PRICKLE2: variants seen among roughly 807,000 people sequenced by gnomAD.
The protein encoded by PRICKLE2 is prickle-like protein 2.
In PRICKLE2, 21 loss-of-function variants were observed where a neutral mutation model predicts 81.4. The ratio of observed to expected loss-of-function variants is 0.26; its 90% CI spans 0.18 to 0.37. PRICKLE2 has a LOEUF of 0.37. Ranked by LOEUF, PRICKLE2 falls within the 10% of genes least tolerant of loss-of-function variation. The pLI is 1.00. For missense variants in PRICKLE2, 940 were observed against 1,109.0 expected (o/e 0.85, Z 2.16); for synonymous variants, 456 against 421.5 (o/e 1.08, Z -1.00).
intron 7 of PRICKLE2, among the ~76,000 whole-genome samples, chr3:64,112,592 G>C (rs1419648016): frequency 2.0e-5 from 3 of 152,180 alleles, no homozygotes; most frequent in Non-Finnish European, 4.4e-5. Context: ...TCAATGAATG[G>C]GTGCAAATGT....
intron 2 of PRICKLE2, among the ~76,000 whole-genome samples, chr3:64,181,416 T>C (rs1014711190): frequency 6.6e-6 from 1 of 152,140 alleles, no homozygotes; most frequent in Admixed American, 6.5e-5. Context: ...ACAGTCTTCA[T>C]CCAAAACTGG....
At chr3:64,113,835 A>T (rs2106956558) in intron 7 of PRICKLE2, among the ~76,000 whole-genome samples, 1 of 152,146 alleles carries the variant, frequency 6.6e-6, no homozygotes, top group Middle Eastern at 3.4e-3. Flanking sequence ...CCCAGCCAGC[A>T]CCCTGCCCCA....
At chr3:64,202,777 T>C (rs577753714) in intron 1 of PRICKLE2, among the ~76,000 whole-genome samples, 53 of 152,222 alleles carry the variant, frequency 3.5e-4, no homozygotes, top group Non-Finnish European at 5.0e-4. Context: ...CATATCTTAT[T>C]GCCCTGGTTA....
At chr3:64,222,023 A>C (rs377509088) in intron 1 of PRICKLE2, among the ~76,000 whole-genome samples, 1 of 152,204 alleles carries the variant, frequency 6.6e-6, no homozygotes, top group East Asian at 1.9e-4. Flanking sequence ...TTCTCCGTTA[A>C]ATAAATATTA....
At chr3:64,254,799 T>C (rs536255736) in intron 2 of PRICKLE2, among the ~76,000 whole-genome samples, 3 of 152,298 alleles carry the variant, frequency 2.0e-5, no homozygotes, top group African/African-American at 7.2e-5. Flanking sequence ...AGTATTACAG[T>C]CAGAAATAGT....
intron 7 of PRICKLE2, among the ~76,000 whole-genome samples, chr3:64,131,895 G>A (rs967211197): frequency 6.6e-6 from 1 of 152,160 alleles, no homozygotes; most frequent in African/African-American, 2.4e-5. Flanking sequence ...CCAGGGCAGT[G>A]TTCTCAGAGG....
chr3:64,172,481 G>T (rs2077950095), intron 2 of PRICKLE2, among the ~76,000 whole-genome samples: 1 of 152,198 alleles, frequency 6.6e-6, no homozygotes, highest in Admixed American at 6.5e-5. Context: ...CTTACCATCT[G>T]CATGTAGTTG....
chr3:64,165,608 G>A (rs554327061), intron 2 of PRICKLE2, among the ~76,000 whole-genome samples: 2 of 152,198 alleles, frequency 1.3e-5, no homozygotes, highest in East Asian at 3.9e-4. Context: ...TTGACCTCCT[G>A]GGCTTAAGCA....
At position 64,099,510 on chromosome 3, in the gene PRICKLE2, G is replaced by A; in HGVS notation, c.2076C>T (p.Arg692=). ...FRPHRSRRSR[R]SRSDNALHLA... ...GGTGGAGGGCGTTGTCGGAGCGAGAGCGTCGGGAACGCCTGGACCTGTGAG... is the reference window on the plus strand; with the variant it reads ...GGTGGAGGGCGTTGTCGGAGCGAGAACGTCGGGAACGCCTGGACCTGTGAG... The change falls in exon 8 of 8, where the codon CGC becomes CGT. Residue 692 remains arginine, a synonymous_variant. Coordinates refer to ENST00000638394, the MANE Select transcript of PRICKLE2 (RefSeq NM_198859.4). This position sits in a 1 kb window ranked among gnomAD's most constrained non-coding sequence, Gnocchi z 4.3. The A allele has an allele frequency of 6.2e-7, 1 of 1,600,038 alleles. No individual in the cohort carries two copies. The highest frequency in any genetic ancestry group is 2.2e-5 in the East Asian group (1 of 44,488).
intron 2 of PRICKLE2, among the ~76,000 whole-genome samples, chr3:64,187,270 T>C (rs143601441): frequency 9.0e-4 from 137 of 152,330 alleles, no homozygotes; most frequent in Admixed American, 1.8e-3. Flanking sequence ...ACAGGCATAT[T>C]TCCCATTGCC....
intron 2 of PRICKLE2, 22 bp from the exon 3 acceptor site, chr3:64,163,151 G>A: frequency 7.1e-7 from 1 of 1,408,760 alleles, no homozygotes; most frequent in Non-Finnish European, 1.0e-6. Context: ...AAAGCATATA[G>A]ATGACTTGCC....
At chr3:64,167,376 C>T (rs1283520656) in intron 2 of PRICKLE2, among the ~76,000 whole-genome samples, 1 of 152,160 alleles carries the variant, frequency 6.6e-6, no homozygotes, top group Non-Finnish European at 1.5e-5. Context: ...GATAAAGGTG[C>T]CCTGTGATTC....
intron 3 of PRICKLE2, among the ~76,000 whole-genome samples, chr3:64,162,271 G>A (rs1181847153): frequency 1.3e-5 from 2 of 151,980 alleles, no homozygotes; most frequent in Non-Finnish European, 2.9e-5. Context: ...CAGTTCCATA[G>A]GATTACTATT....
intron 7 of PRICKLE2, among the ~76,000 whole-genome samples, chr3:64,127,317 C>T (rs2106978577): frequency 6.6e-6 from 1 of 152,314 alleles, no homozygotes; most frequent in South Asian, 2.1e-4. Flanking sequence ...ATGACTACCA[C>T]CACTACTATT....
chr3:64,113,671 C>T (rs1174417199), intron 7 of PRICKLE2, among the ~76,000 whole-genome samples: 1 of 152,206 alleles, frequency 6.6e-6, no homozygotes, highest in Non-Finnish European at 1.5e-5. Context: ...CCAGCCACCA[C>T]TGCAGATGGA....
chr3:64,250,996 T>C (rs991801597), intron 2 of PRICKLE2, among the ~76,000 whole-genome samples: 1 of 152,210 alleles, frequency 6.6e-6, no homozygotes. Flanking sequence ...TGACATGCTA[T>C]ATATTTCCTT....
chr3:64,192,515 A>G (rs562828984), intron 2 of PRICKLE2, among the ~76,000 whole-genome samples: 2 of 152,372 alleles, frequency 1.3e-5, no homozygotes, highest in East Asian at 3.9e-4. Flanking sequence ...GATACATTTA[A>G]TCTGACACCT....
At chr3:64,107,742 G>T (rs2076779163) in intron 7 of PRICKLE2, among the ~76,000 whole-genome samples, 3 of 152,178 alleles carry the variant, frequency 2.0e-5, no homozygotes, top group Admixed American at 1.3e-4. Context: ...AGCTACTGGG[G>T]AGGCTGAGGC....
chr3:64,198,618 C>A, intron 2 of PRICKLE2, 166 bp downstream of exon 2: 1 of 711,796 alleles, frequency 1.4e-6, no homozygotes, highest in Non-Finnish European at 2.5e-6. Flanking sequence ...AATTTCATTT[C>A]CCTTCCTCAT....
Sources: allele counts gnomAD v4.1 joint callset (sites outside exome capture counted in the v4.1 genomes callset), GRCh38; gene constraint gnomAD v4.1.1; non-coding constraint Gnocchi (gnomAD v3.1); transcripts MANE v1.5; gene names NCBI Gene and HGNC (gene_info 2026-07-23, HGNC 2026-07-21).